The following SPATA17 variants were observed in gnomAD, a reference collection of about 807,000 sequenced individuals.
SPATA17 encodes the protein spermatogenesis associated 17.
SPATA17 carries 53 observed loss-of-function variants against 62.2 expected under a neutral mutation model. That is an observed-to-expected ratio of 0.85 (90% CI 0.68 to 1.07). The LOEUF (loss-of-function observed/expected upper bound fraction) is 1.07, where lower values mean the gene tolerates loss of function less well. SPATA17 is among the 50% of genes least tolerant of loss of function. The probability of loss-of-function intolerance (pLI) is 0.00; values close to 1 mark genes in which losing one functional copy is unlikely to be tolerated. For missense variants in SPATA17, 466 were observed against 425.5 expected (o/e 1.10, Z -0.84); for synonymous variants, 146 against 146.8 (o/e 0.99, Z 0.04).
intron 9 of SPATA17, among the ~76,000 whole-genome samples, chr1:217,812,081 G>GCAAGT (rs1370483029): frequency 2.0e-5 from 3 of 152,140 alleles, no homozygotes; most frequent in Admixed American, 1.3e-4. Flanking sequence ...GAAGGCTCAA[G>GCAAGT]CAAGTATATT....
chr1:217,850,002 A>C (rs1675611262), intron 9 of SPATA17, among the ~76,000 whole-genome samples: 1 of 151,986 alleles, frequency 6.6e-6, no homozygotes, highest in Admixed American at 6.6e-5. Context: ...ATAAGTTATA[A>C]TTTGGGGTCG....
chr1:217,721,527 G>A (rs868824715), intron 5 of SPATA17, among the ~76,000 whole-genome samples: 1 of 152,066 alleles, frequency 6.6e-6, no homozygotes. Context: ...TTCTTTCTCT[G>A]CCGGTATCTC....
intron 4 of SPATA17, among the ~76,000 whole-genome samples, chr1:217,670,866 C>T (rs925695537): frequency 3.3e-5 from 5 of 150,988 alleles, no homozygotes; most frequent in Non-Finnish European, 7.4e-5. Context: ...CAGGAGAATC[C>T]CTTGAGCCCA....
intron 8 of SPATA17, among the ~76,000 whole-genome samples, chr1:217,789,394 T>C (rs545560132): frequency 4.3e-4 from 65 of 152,164 alleles, no homozygotes; most frequent in Non-Finnish European, 8.1e-4. Flanking sequence ...TTTGGTAATA[T>C]TATAAAACCG....
chr1:217,868,491 C>T lies in SPATA17; in HGVS notation c.*1472C>T, dbSNP rs759317013. ...ACCTTAAATATGCTCAGAACACATA[C>T]GTTAGCCTATAGTTGGGCAAAATCA... On this transcript the variant is annotated 3_prime_UTR_variant, in exon 11 of 11. Transcript: ENST00000366933. The T allele has an allele frequency of 7.2e-5, 11 of 152,026 alleles. No homozygotes were observed. Among genetic ancestry groups the T allele is most frequent in the East Asian group, 1.9e-4 (1 of 5,178 alleles). 9.4% of individuals were successfully genotyped at this position (152,026 alleles called of 1,614,324 possible). A position where few individuals can be genotyped will look rare whatever the true frequency, so the allele number is the denominator to read the frequency against.
chr1:217,765,682 G>A (rs758370993), intron 6 of SPATA17, among the ~76,000 whole-genome samples: 1 of 151,972 alleles, frequency 6.6e-6, no homozygotes, highest in African/African-American at 2.4e-5. Context: ...CCCAGGATGA[G>A]TGTTCTATGT....
chr1:217,690,007 G>A (rs1209728382), intron 5 of SPATA17, among the ~76,000 whole-genome samples: 2 of 151,794 alleles, frequency 1.3e-5, no homozygotes, highest in East Asian at 1.9e-4. Flanking sequence ...AGGTTCAAGC[G>A]ATTCTCCTGC....
At chr1:217,674,005 A>T (rs1670889692) in intron 4 of SPATA17, among the ~76,000 whole-genome samples, 1 of 152,140 alleles carries the variant, frequency 6.6e-6, no homozygotes. Context: ...AATGACATAT[A>T]TCTTATACCC....
chr1:217,752,864 T>A (rs1227334463), intron 6 of SPATA17, among the ~76,000 whole-genome samples: 1 of 152,140 alleles, frequency 6.6e-6, no homozygotes, highest in Non-Finnish European at 1.5e-5. Context: ...GTGCCTCCTA[T>A]CTACACGGTG....
intron 5 of SPATA17, among the ~76,000 whole-genome samples, chr1:217,685,858 G>T (rs1671204195): frequency 6.6e-6 from 1 of 152,132 alleles, no homozygotes; most frequent in African/African-American, 2.4e-5. Context: ...GATATTTTGA[G>T]AGAGAACAAG....
chr1:217,671,740 CTT>C (rs1484221678), intron 4 of SPATA17, among the ~76,000 whole-genome samples: 1 of 152,122 alleles, frequency 6.6e-6, no homozygotes, highest in East Asian at 1.9e-4. Flanking sequence ...GGAGCGAAGA[CTT>C]AGGCTTTACC....
At chr1:217,729,903 G>A (rs1672361059) in intron 5 of SPATA17, among the ~76,000 whole-genome samples, 1 of 152,094 alleles carries the variant, frequency 6.6e-6, no homozygotes, top group Non-Finnish European at 1.5e-5. Flanking sequence ...AAATGCTTCA[G>A]TCCCAAGAAG....
intron 6 of SPATA17, among the ~76,000 whole-genome samples, chr1:217,768,200 G>A (rs140341548): frequency 5.9e-5 from 9 of 152,038 alleles, no homozygotes; most frequent in South Asian, 4.2e-4. Flanking sequence ...AGCCGAGATC[G>A]CTCCACTGCA....
intron 8 of SPATA17, among the ~76,000 whole-genome samples, chr1:217,785,680 G>A (rs1394335661): frequency 6.6e-6 from 1 of 152,116 alleles, no homozygotes; most frequent in Non-Finnish European, 1.5e-5. Flanking sequence ...TTGAGGTACT[G>A]GGTGTTAGGA....
intron 9 of SPATA17, among the ~76,000 whole-genome samples, chr1:217,802,219 A>G (rs184026047): frequency 6.6e-6 from 1 of 152,276 alleles, no homozygotes; most frequent in Admixed American, 6.5e-5. Context: ...GTATGTTTAT[A>G]GATAGCTAAA....
intron 5 of SPATA17, among the ~76,000 whole-genome samples, chr1:217,736,123 G>GTAACAAGGAAAAGAAAAAATA (rs1437759123): frequency 1.3e-5 from 2 of 152,042 alleles, no homozygotes; most frequent in Non-Finnish European, 2.9e-5. Context: ...AAGAAAAAAT[G>GTAACAAGGAAAAGAAAAAATA]TAACAAGGAA....
chr1:217,775,559 T>A (rs776986474), intron 7 of SPATA17, among the ~76,000 whole-genome samples: 1 of 151,972 alleles, frequency 6.6e-6, no homozygotes, highest in African/African-American at 2.4e-5. Flanking sequence ...AAAAATTAGC[T>A]GGACATGGTG....
Position 217,774,557 on chromosome 1 carries a change from G to T in SPATA17, c.723+20G>T. 6.2e-7 allele frequency: 1 copy of T among 1,600,236 alleles called. No homozygotes were observed. The highest frequency in any genetic ancestry group is 8.5e-7 in the Non-Finnish European group (1 of 1,170,372). ...TGTCAGGTACTAGTTTGCTGTATAA[G>T]AATTCTGTCATTAATTTTATTCTTG... is the stretch of plus-strand genomic sequence containing the variant. On this transcript the variant is annotated intron_variant, in intron 7 of 10. Transcript: ENST00000366933.
At chr1:217,839,354 T>C (rs933645887) in intron 9 of SPATA17, among the ~76,000 whole-genome samples, 14 of 152,108 alleles carry the variant, frequency 9.2e-5, no homozygotes, top group Non-Finnish European at 1.5e-5. Flanking sequence ...AGGCTAATTA[T>C]GGCAGCTAAT....
Sources: allele counts gnomAD v4.1 joint callset (sites outside exome capture counted in the v4.1 genomes callset), GRCh38; gene constraint gnomAD v4.1.1; transcripts MANE v1.5; gene names NCBI Gene and HGNC (gene_info 2026-07-23, HGNC 2026-07-21).